RELN: variants seen among roughly 807,000 people sequenced by gnomAD.
The protein encoded by RELN is reelin.
Under a neutral mutation model 427.6 loss-of-function variants are expected in RELN, and 108 were observed. The ratio of observed to expected loss-of-function variants is 0.25; its 90% CI spans 0.22 to 0.30. The LOEUF is 0.30. Among genes scored for constraint, RELN ranks in the 10% least tolerant of loss-of-function variants. RELN has a pLI of 1.00. For missense variants in RELN, 3,715 were observed against 4,302.8 expected (o/e 0.86, Z 3.82); for synonymous variants, 1,524 against 1,513.4 (o/e 1.01, Z -0.16).
intron 1 of RELN, among the ~76,000 whole-genome samples, chr7:103,942,318 A>C (rs1022792835): frequency 6.6e-6 from 1 of 152,158 alleles, no homozygotes; most frequent in Non-Finnish European, 1.5e-5. Context: ...ATCCCTTGGC[A>C]ACCCCCATTC....
chr7:103,768,415 C>T (rs907150839), intron 4 of RELN, among the ~76,000 whole-genome samples: 1 of 151,980 alleles, frequency 6.6e-6, no homozygotes, highest in African/African-American at 2.4e-5. Flanking sequence ...TAAGGGGACT[C>T]CTTACAGTTT....
rs879439000 is a variant in RELN, at chr7:103,665,477, C to T, written c.1290-3950G>A. Among the ~76,000 whole-genome samples, 14 of 152,098 alleles carry T rather than the reference C, an allele frequency of 9.2e-5. No homozygotes were observed. The South Asian group carries it at 1.2e-3, about 14-fold the overall frequency. ...TTCACAATTGTCTTGGCTACTGTTG[C>T]CCTTGTTAACTCTTCCTAATGAATG... On this transcript the variant is annotated intron_variant, in intron 11 of 64. Coordinates refer to ENST00000428762, the MANE Select transcript of RELN (RefSeq NM_005045.4).
chr7:103,738,448 C>T (rs142564318), intron 6 of RELN, among the ~76,000 whole-genome samples: 61 of 151,846 alleles, frequency 4.0e-4, no homozygotes, highest in Middle Eastern at 3.4e-3. Context: ...CAATGAGATA[C>T]GCAGATCTCA....
intron 8 of RELN, among the ~76,000 whole-genome samples, chr7:103,711,708 G>A (rs1195541353): frequency 6.6e-6 from 1 of 152,128 alleles, no homozygotes; most frequent in Non-Finnish European, 1.5e-5. Flanking sequence ...CCAGGCTGGA[G>A]TGCAGTGGTA....
rs201026012 is a variant in RELN at position 103,977,310 on chromosome 7, C to CAAAAAAAAAAAAAAAAAAAAA, written c.226+11800_226+11820dup. On this transcript the variant is annotated intron_variant, in intron 1 of 64. Coordinates refer to ENST00000428762, the MANE Select transcript of RELN (RefSeq NM_005045.4). ...TGGGTGACAGAGTGAGACTCTGTCT[C>CAAAAAAAAAAAAAAAAAAAAA]AAAAAAAAAAAAAAAAAAAAAAAAA... Among the ~76,000 whole-genome samples the CAAAAAAAAAAAAAAAAAAAAA allele has an allele frequency of 8.5e-4, 75 of 88,260 alleles. 1 individual carries two copies. Among genetic ancestry groups the CAAAAAAAAAAAAAAAAAAAAA allele is most frequent in the African/African-American group, 3.7e-3 (72 of 19,276 alleles). The allele number at this position is 88,260 out of a possible 152,430, so 57.9% of individuals were successfully genotyped here. A position where few individuals can be genotyped will look rare whatever the true frequency, so the allele number is the denominator to read the frequency against.
At chr7:103,507,116 G>C (rs1829240848) in intron 51 of RELN, among the ~76,000 whole-genome samples, 1 of 145,912 alleles carries the variant, frequency 6.9e-6, no homozygotes, top group East Asian at 2.1e-4. Context: ...GTCAATATTA[G>C]ATCAACGAGA....
At chr7:103,956,272 T>C (rs1409124549) in intron 1 of RELN, among the ~76,000 whole-genome samples, 2 of 152,176 alleles carry the variant, frequency 1.3e-5, no homozygotes, top group East Asian at 3.9e-4. Context: ...CTCTTCTTTC[T>C]AGAAAAGCTG....
At chr7:103,787,729 A>C (rs1792054431) in intron 3 of RELN, among the ~76,000 whole-genome samples, 1 of 152,212 alleles carries the variant, frequency 6.6e-6, no homozygotes, top group South Asian at 2.1e-4. Flanking sequence ...GACCAGATGG[A>C]TTCACAGCCA....
intron 20 of RELN, among the ~76,000 whole-genome samples, chr7:103,629,029 G>A (rs571882397): frequency 6.6e-6 from 1 of 152,290 alleles, no homozygotes; most frequent in Admixed American, 6.5e-5. Context: ...TCGCCTGGGG[G>A]AACTGTGTGC....
chr7:103,489,200 A>AGG (rs1180606191), intron 60 of RELN, among the ~76,000 whole-genome samples: 1 of 120,244 alleles, frequency 8.3e-6, no homozygotes, highest in African/African-American at 3.9e-5. Context: ...TGAGTCATAA[A>AGG]GGGGTGTGTG....
chr7:103,578,679 G>A (rs183272598), intron 28 of RELN, among the ~76,000 whole-genome samples: 2 of 152,274 alleles, frequency 1.3e-5, no homozygotes, highest in South Asian at 2.1e-4. Context: ...GGAATAGGAG[G>A]AAGAACTGAT....
intron 9 of RELN, among the ~76,000 whole-genome samples, chr7:103,698,709 C>T (rs540734769): frequency 6.6e-6 from 1 of 151,950 alleles, no homozygotes; most frequent in Non-Finnish European, 1.5e-5. Flanking sequence ...TGAAATAGGT[C>T]TTGCTATGTT....
Position 103,489,741 on chromosome 7 carries a change from C to G in RELN, c.9763+1G>C. 1 of 1,613,988 alleles carries G rather than the reference C, an allele frequency of 6.2e-7. No individual in the cohort carries two copies. Among genetic ancestry groups the G allele is most frequent in the Non-Finnish European group, 8.5e-7 (1 of 1,179,962 alleles). ...CAAAGTTGGCAGCCTGGGATTCAGA[C>G]CTTGGAAGCTCTCGTCGCAGATGCA... On this transcript the variant is annotated splice_donor_variant, in intron 60 of 64. Coordinates refer to ENST00000428762, the MANE Select transcript of RELN (RefSeq NM_005045.4). LOFTEE classifies it high-confidence loss of function.
intron 1 of RELN, among the ~76,000 whole-genome samples, chr7:103,987,089 A>AAC (rs1797118139): frequency 6.6e-6 from 1 of 151,954 alleles, no homozygotes; most frequent in Non-Finnish European, 1.5e-5. Flanking sequence ...AAAAAAAAAA[A>AAC]AACTCTTACT....
intron 11 of RELN, among the ~76,000 whole-genome samples, chr7:103,674,682 T>TC (rs1833473679): frequency 1.3e-5 from 2 of 152,142 alleles, no homozygotes. Context: ...AAAAAGCTTA[T>TC]CCACCATGAT....
At chr7:103,752,432 C>T (rs992017916) in intron 5 of RELN, among the ~76,000 whole-genome samples, 5 of 152,058 alleles carry the variant, frequency 3.3e-5, no homozygotes, top group African/African-American at 1.2e-4. Flanking sequence ...TTTAAAGAAA[C>T]AGGATCTTGC....
At chr7:103,835,957 T>TGC (rs1221105341) in intron 2 of RELN, among the ~76,000 whole-genome samples, 2 of 57,934 alleles carry the variant, frequency 3.5e-5, no homozygotes, top group East Asian at 3.1e-4. Context: ...AATTACCCTT[T>TGC]TTTTTTTTTT....
intron 4 of RELN, among the ~76,000 whole-genome samples, chr7:103,769,390 A>T (rs117794184): frequency 6.6e-6 from 1 of 152,138 alleles, no homozygotes; most frequent in East Asian, 1.9e-4. Context: ...TCTTAGGAGG[A>T]TACATCATCA....
At chr7:103,677,135 C>T (rs1216400141) in intron 11 of RELN, among the ~76,000 whole-genome samples, 2 of 151,796 alleles carry the variant, frequency 1.3e-5, no homozygotes, top group Non-Finnish European at 2.9e-5. Flanking sequence ...AGCTGGAAAC[C>T]ATTATTCTCA....
Sources: gnomAD v4.1 joint callset for allele counts (sites outside exome capture counted in the v4.1 genomes callset) on GRCh38, gnomAD v4.1.1 for gene constraint, MANE v1.5 for transcripts, NCBI Gene and HGNC (gene_info 2026-07-23, HGNC 2026-07-21) for gene names.